TMEM231: variants seen among roughly 807,000 people sequenced by gnomAD.
TMEM231 encodes the protein transmembrane protein 231.
A neutral mutation model predicts 38.5 loss-of-function variants in TMEM231; 40 were observed. The ratio of observed to expected loss-of-function variants is 1.04; its 90% confidence interval spans 0.81 to 1.35. The LOEUF (loss-of-function observed/expected upper bound fraction) is 1.35. Among genes scored for constraint, TMEM231 ranks in the 40% most tolerant of loss-of-function variants. TMEM231 has a pLI of 0.00. For synonymous variants in TMEM231, 199 were observed against 181.7 expected (o/e 1.10, Z -0.77); for missense variants, 420 against 416.9 (o/e 1.01, Z -0.07).
At chr16:75,553,992 C>A (rs575438768) in intron 2 of TMEM231, among the ~76,000 whole-genome samples, 1 of 152,298 alleles carries the variant, frequency 6.6e-6, no homozygotes, top group South Asian at 2.1e-4. Context: ...CCACCATCCC[C>A]TATCACATAC....
intron 4 of TMEM231, 114 bp from the exon 5 acceptor site, chr16:75,542,797 C>T: frequency 2.6e-6 from 2 of 766,280 alleles, no homozygotes; most frequent in Non-Finnish European, 4.3e-6. Flanking sequence ...TTCTTGGTGG[C>T]CTACTGCAGT....
intron 2 of TMEM231, among the ~76,000 whole-genome samples, chr16:75,553,455 C>T (rs1597048531): frequency 6.6e-6 from 1 of 151,372 alleles, no homozygotes; most frequent in Non-Finnish European, 1.5e-5. Flanking sequence ...CCTGTTTCCA[C>T]TAAAAAACAC....
intron 2 of TMEM231, among the ~76,000 whole-genome samples, chr16:75,554,545 C>CAAAAAAAAAAAAAAAAAA (rs1185694717): frequency 3.2e-5 from 3 of 94,090 alleles, no homozygotes; most frequent in Non-Finnish European, 4.7e-5. Flanking sequence ...GACTGTGTCT[C>CAAAAAAAAAAAAAAAAAA]AAAAAAAAAA....
Position 75,541,422 on chromosome 16 carries a change from C to A in TMEM231, c.698G>T (p.Trp233Leu). ...TTVLNDPNPIWLVGRAADAPF... is the reference protein window; with the variant it reads ...TTVLNDPNPILLVGRAADAPF... ...AGCATCTGCGGCCCTGCCCACCAGC[C>A]AGATGGGGTTGGGATCATTCAGGAC... The change falls in exon 6 of 7, where the codon TGG becomes TTG. Residue 233 changes from tryptophan to leucine, a missense_variant. Trp to Leu is a moderately conservative substitution (Grantham distance 61). Transcript: ENST00000258173. 1 of 1,612,132 alleles carries A rather than the reference C, an allele frequency of 6.2e-7. No homozygotes were observed. Among genetic ancestry groups the A allele is most frequent in the Non-Finnish European group, 8.5e-7 (1 of 1,178,890 alleles).
At chr16:75,555,685 G>A in intron 2 of TMEM231, 119 bp downstream of exon 2, 4 of 1,085,232 alleles carry the variant, frequency 3.7e-6, no homozygotes, top group Non-Finnish European at 5.0e-6. Flanking sequence ...GGGTTCGCGA[G>A]TCCTTAGGAT....
In TMEM231 at chr16:75,542,646, T is replaced by C; in HGVS notation, c.620A>G (p.Asp207Gly). ...AGCAACAATATGGGTGAGGTCGTAGTCATAGGCAAAGGGGCTGGTCCCGTT... is the reference window on the plus strand; with the variant it reads ...AGCAACAATATGGGTGAGGTCGTAGCCATAGGCAAAGGGGCTGGTCCCGTT... ...VINGTSPFAY[D>G]YDLTHIVAAY... The change falls in exon 5 of 7, where the codon GAC becomes GGC. Residue 207 changes from aspartate (D) to glycine (G), a missense_variant. Asp to Gly is a moderately conservative substitution (Grantham distance 94, BLOSUM62 -1). Coordinates refer to ENST00000258173, the MANE Select transcript of TMEM231 (RefSeq NM_001077418.3). The C allele has an allele frequency of 6.2e-7, 1 of 1,613,906 alleles. No homozygotes were observed. The highest frequency in any genetic ancestry group is 1.1e-5 in the South Asian group (1 of 91,066).
chr16:75,544,140 G>C lies in TMEM231; in HGVS notation c.582+1212C>G, dbSNP rs142940709. 5.4e-3 allele frequency among the ~76,000 whole-genome samples: 829 copies of C among 152,348 alleles called. 8 individuals are homozygous for C. Among genetic ancestry groups the C allele is most frequent in the African/African-American group, 0.019 (795 of 41,580 alleles). On this transcript the variant is annotated intron_variant, in intron 4 of 6. Transcript: ENST00000258173. ...ATTATTTAAACAAGTATCTCTGTGA[G>C]CTTACCATCTGCCAGGCAGTGTGCT...
rs1403672451 is a variant in TMEM231, at chr16:75,537,845, T to A, written c.*2149A>T. 6.6e-6 allele frequency: 1 copy of A among 152,200 alleles called. No individual in the cohort carries two copies. Among genetic ancestry groups the A allele is most frequent in the Non-Finnish European group, 1.5e-5 (1 of 68,044 alleles). 9.4% of individuals were successfully genotyped at this position (152,200 alleles called of 1,614,324 possible). On this transcript the variant is annotated 3_prime_UTR_variant, in exon 7 of 7. Coordinates refer to ENST00000258173, the MANE Select transcript of TMEM231 (RefSeq NM_001077418.3). ...GATTCAGAGTCAGAAACTATCAACA[T>A]CTGGTCTGTAAATAATTTCATATTC...
intron 4 of TMEM231, among the ~76,000 whole-genome samples, chr16:75,544,134 C>A (rs2080656385): frequency 6.6e-6 from 1 of 152,230 alleles, no homozygotes; most frequent in Non-Finnish European, 1.5e-5. Context: ...ACAAGTATCT[C>A]TGTGAGCTTA....
At chr16:75,550,378 G>A (rs2080744829) in intron 2 of TMEM231, among the ~76,000 whole-genome samples, 1 of 152,176 alleles carries the variant, frequency 6.6e-6, no homozygotes, top group Non-Finnish European at 1.5e-5. Context: ...AGTGGTGACT[G>A]GTTTCATTTC....
chr16:75,544,429 GGT>G (rs1428359270), intron 4 of TMEM231, among the ~76,000 whole-genome samples: 1 of 152,150 alleles, frequency 6.6e-6, no homozygotes, highest in Admixed American at 6.6e-5. Context: ...AAAGCCCTGA[GGT>G]GGCAGCTGCT....
chr16:75,547,485 G>A (rs567245854), intron 2 of TMEM231, among the ~76,000 whole-genome samples: 3 of 152,172 alleles, frequency 2.0e-5, no homozygotes, highest in Admixed American at 2.0e-4. Context: ...CTGCTACCAG[G>A]GCTGATGATC....
chr16:75,551,304 C>A (rs7206799), intron 2 of TMEM231, among the ~76,000 whole-genome samples: 18,551 of 152,124 alleles, frequency 0.12, 2,679 homozygotes, highest in East Asian at 0.72. Flanking sequence ...CTCAAGTGAT[C>A]CTCCCACCTC....
rs1161595759 is a variant in TMEM231 at position 75,537,481 on chromosome 16, T to C, written c.*2513A>G. On this transcript the variant is annotated 3_prime_UTR_variant, in exon 7 of 7. Transcript: ENST00000258173. ...TCGGAGCTGAGTTAATAAAATCCTC[T>C]ATATTTCTTTTTTTTTTTTTTTTTG... 1 of 135,890 alleles carries C rather than the reference T, an allele frequency of 7.4e-6. No individual in the cohort carries two copies. The highest frequency in any genetic ancestry group is 2.0e-4 in the East Asian group (1 of 4,974). The allele number at this position is 135,890 out of a possible 1,614,324, so 8.4% of individuals were successfully genotyped here.
At chr16:75,550,191 G>C (rs1429184376) in intron 2 of TMEM231, among the ~76,000 whole-genome samples, 2 of 152,208 alleles carry the variant, frequency 1.3e-5, no homozygotes, top group Non-Finnish European at 2.9e-5. Context: ...AAGAGGCCTC[G>C]AAGAGCTGAG....
intron 2 of TMEM231, among the ~76,000 whole-genome samples, chr16:75,552,857 G>T (rs752625994): frequency 6.6e-6 from 1 of 152,076 alleles, no homozygotes; most frequent in Non-Finnish European, 1.5e-5. Context: ...TAGAAACACG[G>T]TACTCTCCAC....
rs375293770 is a variant in TMEM231, at chr16:75,540,057, C to T, written c.888G>A (p.Val296=). ...RIKIFVFQNQ[V]VTTIPVTVTP... ...TCACTGTCACAGGAATGGTGGTCAC[C>T]ACCTGATTCTGAAACACGAAGATCT... Residue 296 remains valine, a synonymous_variant, in exon 7 of 7, where the codon GTG becomes GTA. Transcript: ENST00000258173. The T allele has an allele frequency of 6.2e-7, 1 of 1,613,764 alleles. No homozygotes were observed. Among genetic ancestry groups the T allele is most frequent in the Non-Finnish European group, 8.5e-7 (1 of 1,179,734 alleles).
chr16:75,555,687 C>A (rs891759189), intron 2 of TMEM231, 117 bp downstream of exon 2: 2 of 1,116,972 alleles, frequency 1.8e-6, no homozygotes, highest in Non-Finnish European at 2.4e-6. Flanking sequence ...GTTCGCGAGT[C>A]CTTAGGATCA....
At position 75,556,154 on chromosome 16, in the gene TMEM231, A is replaced by G; in HGVS notation, c.56T>C (p.Leu19Pro). The G allele has an allele frequency of 1.3e-6, 2 of 1,559,422 alleles. No individual in the cohort carries two copies. The highest frequency in any genetic ancestry group is 2.4e-5 in the South Asian group (2 of 83,826). ...CAGGAACAGCGCGGCTTTGGAGCAGAGCCCCGCGCGGTAACTGCGCTCGAC... is the reference window on the plus strand; with the variant it reads ...CAGGAACAGCGCGGCTTTGGAGCAGGGCCCCGCGCGGTAACTGCGCTCGAC... ...HPVERSYRAG[L>P]CSKAALFLLL... is the part of the protein sequence containing the mutation. Residue 19 changes from leucine (L) to proline (P), a missense_variant, in exon 1 of 7, where the codon CTC (leucine) becomes CCC (proline). Leu to Pro is a moderately conservative substitution (Grantham distance 98). Transcript: ENST00000258173.
Sources: gnomAD v4.1 joint callset for allele counts (sites outside exome capture counted in the v4.1 genomes callset) on GRCh38, gnomAD v4.1.1 for gene constraint, MANE v1.5 for transcripts, NCBI Gene and HGNC (gene_info 2026-07-23, HGNC 2026-07-21) for gene names.